MTM1: variants seen among roughly 807,000 people sequenced by gnomAD.
MTM1 encodes the protein myotubularin 1, also known as myotubularin.
Under a neutral mutation model 52.1 loss-of-function variants are expected in MTM1, and 9 were observed. The ratio of observed to expected loss-of-function variants is 0.17; its 90% CI spans 0.10 to 0.30. The LOEUF is 0.30. Ranked by LOEUF, MTM1 falls within the 10% of genes least tolerant of loss-of-function variation. MTM1 has a pLI of 1.00. For missense variants in MTM1, 277 were observed against 470.7 expected (o/e 0.59, Z 3.81); for synonymous variants, 136 against 163.8 (o/e 0.83, Z 1.29).
chrX:150,595,291 T>A (rs782681396), intron 2 of MTM1, among the ~76,000 whole-genome samples: 20 of 110,468 alleles, frequency 1.8e-4, no homozygotes, highest in Non-Finnish European at 3.2e-4. Context: ...TGAAACCCCG[T>A]CTCTACTCAA....
chrX:150,624,270 A>G (rs1274724481), intron 6 of MTM1, among the ~76,000 whole-genome samples: 1 of 112,278 alleles, frequency 8.9e-6, no homozygotes, highest in Non-Finnish European at 1.9e-5. Context: ...TCTTTTTAAA[A>G]ATCTATTTGC....
intron 14 of MTM1, among the ~76,000 whole-genome samples, chrX:150,667,184 A>C (rs928579584): frequency 9.0e-6 from 1 of 110,848 alleles, no homozygotes; most frequent in African/African-American, 3.3e-5. Context: ...CTGCCACCCC[A>C]CCCCTTACCT....
upstream of MTM1, among the ~76,000 whole-genome samples, chrX:150,564,803 A>G (rs1455239547): frequency 8.9e-6 from 1 of 112,070 alleles, no homozygotes; most frequent in Admixed American, 9.5e-5. Context: ...ATGTACATTT[A>G]CCTTTGTAAT....
In MTM1 at chrX:150,641,406, A is replaced by T; in HGVS notation, c.666A>T (p.Arg222=). ...GGAGAGTTGCAACTTTTAGGTCCCG[A>T]AATCGAATTCCAGTGAGTACTGCAA... ...DLRRVATFRS[R]NRIPVLSWIH... is the part of the protein sequence containing the mutation. The change falls in exon 8 of 15, where the codon CGA becomes CGT. Residue 222 remains arginine (R), a synonymous_variant. Transcript: ENST00000370396. 2 of 1,211,603 alleles carry T rather than the reference A, an allele frequency of 1.7e-6. No individual in the cohort carries two copies. Among genetic ancestry groups the T allele is most frequent in the Non-Finnish European group, 2.2e-6 (2 of 895,344 alleles).
chrX:150,666,964 C>T (rs1426261637), intron 14 of MTM1, among the ~76,000 whole-genome samples: 1 of 111,690 alleles, frequency 9.0e-6, no homozygotes, highest in East Asian at 2.8e-4. Flanking sequence ...CACCACCATG[C>T]TGGTGTGTGC....
At chrX:150,607,849 A>T (rs1321673702) in intron 4 of MTM1, among the ~76,000 whole-genome samples, 2 of 111,892 alleles carry the variant, frequency 1.8e-5, no homozygotes, top group East Asian at 5.6e-4. Flanking sequence ...TATAGTTCTC[A>T]TGGGATTGAT....
chrX:150,667,026 G>A (rs1267335611), intron 14 of MTM1, among the ~76,000 whole-genome samples: 1 of 111,765 alleles, frequency 8.9e-6, no homozygotes, highest in African/African-American at 3.3e-5. Flanking sequence ...TGGACCCCCT[G>A]ATGCTACCTT....
At position 150,673,131 on chromosome X, in the gene MTM1, A is replaced by T. The variant is rs886170567; in HGVS notation, c.*1536A>T. On this transcript the variant is annotated 3_prime_UTR_variant, in exon 15 of 15. Coordinates refer to ENST00000370396, the MANE Select transcript of MTM1 (RefSeq NM_000252.3). ...AAAGACCTGCTGTAATAAATGTATT[A>T]ACTGAAACCTAACACTGTTTTCAGG... 3.6e-5 allele frequency: 4 copies of T among 112,416 alleles called. No individual in the cohort carries two copies. Among genetic ancestry groups the T allele is most frequent in the Middle Eastern group, 4.6e-3 (1 of 217 alleles). 9.3% of individuals were successfully genotyped at this position (112,416 alleles called of 1,213,427 possible).
intron 5 of MTM1, among the ~76,000 whole-genome samples, chrX:150,616,465 C>T (rs111470903): frequency 0.034 from 3,744 of 111,714 alleles, 153 homozygotes; most frequent in African/African-American, 0.11. Flanking sequence ...ATGATACAAC[C>T]GCATTTCTCT....
rs782665395 is a variant in MTM1 at position 150,592,631 on chromosome X, C to A, written c.17C>A (p.Thr6Asn). The change falls in exon 2 of 15, where the codon ACT becomes AAT. Residue 6 changes from threonine (T) to asparagine (N), a missense_variant. By Grantham distance (65) the Thr-to-Asn change is moderately conservative (BLOSUM62 0). Around this residue, in one of 4 missense-constraint regions of MTM1, gnomAD observed 164 missense variants for 283.3 expected, o/e 0.58. Transcript: ENST00000370396. MASAS[T>N]SKYNSHSLEN... Reference sequence around the variant, plus strand: ...GTTTCCAGGATGGCTTCTGCATCAACTTCTAAATATAATTCACACTCCTTG... The same window carrying A: ...GTTTCCAGGATGGCTTCTGCATCAAATTCTAAATATAATTCACACTCCTTG... 8.3e-7 allele frequency: 1 copy of A among 1,199,645 alleles called. No individual in the cohort carries two copies. Among genetic ancestry groups the A allele is most frequent in the Non-Finnish European group, 1.1e-6 (1 of 884,825 alleles).
chrX:150,591,599 A>C (rs184279545), intron 1 of MTM1, among the ~76,000 whole-genome samples: 402 of 112,931 alleles, frequency 3.6e-3, no homozygotes, highest in Non-Finnish European at 6.2e-3. Context: ...TTTTGTGCCA[A>C]GGTGTGTTAA....
intron 8 of MTM1, among the ~76,000 whole-genome samples, chrX:150,644,029 A>G (rs2039889635): frequency 9.0e-6 from 1 of 111,138 alleles, no homozygotes; most frequent in Non-Finnish European, 1.9e-5. Context: ...TGGCACCACA[A>G]AGAGAATAGG....
chrX:150,667,788 A>G (rs73250566), intron 14 of MTM1, among the ~76,000 whole-genome samples: 8 of 112,240 alleles, frequency 7.1e-5, no homozygotes, highest in Non-Finnish European at 1.5e-4. Flanking sequence ...GAAAGCAGCA[A>G]TCGCAGTAGA....
intron 10 of MTM1, among the ~76,000 whole-genome samples, chrX:150,654,514 T>C (rs2040078776): frequency 8.9e-6 from 1 of 112,369 alleles, no homozygotes; most frequent in Non-Finnish European, 1.9e-5. Flanking sequence ...AACTAATTGA[T>C]GTACATCCTT....
chrX:150,636,102 A>G (rs2039749025), intron 6 of MTM1, among the ~76,000 whole-genome samples: 1 of 111,555 alleles, frequency 9.0e-6, no homozygotes, highest in African/African-American at 3.3e-5. Flanking sequence ...TCTAATAGAC[A>G]TGTTTCGGGT....
At chrX:150,574,365 A>C (rs2038432636) in intron 1 of MTM1, among the ~76,000 whole-genome samples, 1 of 111,148 alleles carries the variant, frequency 9.0e-6, no homozygotes, top group African/African-American at 3.3e-5. Flanking sequence ...ACTGAGACCC[A>C]CCACCGACTC....
intron 4 of MTM1, among the ~76,000 whole-genome samples, chrX:150,609,768 C>T (rs142924952): frequency 0.016 from 1,776 of 111,403 alleles, 34 homozygotes; most frequent in African/African-American, 0.055. Flanking sequence ...TACCTCGGTC[C>T]TTCTCTACTT....
intron 6 of MTM1, among the ~76,000 whole-genome samples, chrX:150,619,602 A>T (rs2039444155): frequency 8.9e-6 from 1 of 112,291 alleles, no homozygotes; most frequent in African/African-American, 3.2e-5. Flanking sequence ...TATGTACCTA[A>T]AACTTTTCCT....
At chrX:150,564,264 C>T (rs1210037897), upstream of MTM1, among the ~76,000 whole-genome samples, 1 of 112,414 alleles carries the variant, frequency 8.9e-6, no homozygotes, top group Non-Finnish European at 1.9e-5. Context: ...TAGCATATAT[C>T]AATAGTTCTT....
Sources: gnomAD v4.1 joint callset for allele counts (sites outside exome capture counted in the v4.1 genomes callset) on GRCh38, gnomAD v4.1.1 for gene constraint, gnomAD v4.1.1 regional missense constraint, MANE v1.5 for transcripts, NCBI Gene and HGNC (gene_info 2026-07-23, HGNC 2026-07-21) for gene names.